GPC5: variants seen among roughly 807,000 people sequenced by gnomAD.
GPC5 encodes the protein glypican-5.
In GPC5, 47 loss-of-function variants were observed where a neutral mutation model predicts 53.9. The observed-to-expected ratio is 0.87, with a 90% CI of 0.69 to 1.11. The LOEUF (loss-of-function observed/expected upper bound fraction) is 1.11. Among genes scored for constraint, GPC5 ranks in the 50% most tolerant of loss-of-function variants. GPC5 has a pLI of 0.00. For synonymous variants in GPC5, 286 were observed against 263.3 expected (o/e 1.09, Z -0.84); for missense variants, 748 against 713.1 (o/e 1.05, Z -0.56).
chr13:91,541,258 C>T (rs1172567559), intron 2 of GPC5, among the ~76,000 whole-genome samples: 1 of 151,858 alleles, frequency 6.6e-6, no homozygotes, highest in Non-Finnish European at 1.5e-5. Context: ...TGTAATTTGT[C>T]CATTTCTTTT....
At chr13:92,528,315 A>T (rs898645991) in intron 7 of GPC5, among the ~76,000 whole-genome samples, 6 of 152,140 alleles carry the variant, frequency 3.9e-5, no homozygotes, top group African/African-American at 1.4e-4. Context: ...GATTTTGGCC[A>T]TGCAGGTCCT....
chr13:91,570,259 T>C (rs1424117234), intron 2 of GPC5, among the ~76,000 whole-genome samples: 5 of 152,168 alleles, frequency 3.3e-5, no homozygotes, highest in Non-Finnish European at 7.4e-5. Context: ...TTTTCCACAG[T>C]GAGCATCACA....
intron 7 of GPC5, among the ~76,000 whole-genome samples, chr13:92,611,701 G>T (rs527779862): frequency 6.6e-6 from 1 of 152,126 alleles, no homozygotes; most frequent in African/African-American, 2.4e-5. Context: ...AATGAATTTT[G>T]AAGTGAACAT....
intron 7 of GPC5, among the ~76,000 whole-genome samples, chr13:92,419,677 C>T (rs777558817): frequency 9.2e-5 from 14 of 152,172 alleles, no homozygotes; most frequent in Non-Finnish European, 1.8e-4. Flanking sequence ...GACTAGCATA[C>T]TGAAATTTCT....
chr13:92,703,553 A>G (rs974628600), intron 7 of GPC5, among the ~76,000 whole-genome samples: 3 of 146,716 alleles, frequency 2.0e-5, no homozygotes, highest in Non-Finnish European at 4.5e-5. Flanking sequence ...ATTTTTCAGT[A>G]TAGAAAAGGG....
At chr13:92,251,494 G>A (rs745755185) in intron 7 of GPC5, among the ~76,000 whole-genome samples, 2 of 152,048 alleles carry the variant, frequency 1.3e-5, no homozygotes, top group African/African-American at 2.4e-5. Context: ...TTATCCTTGG[G>A]GTGTAGCCTG....
At chr13:92,585,523 G>A (rs1883509744) in intron 7 of GPC5, among the ~76,000 whole-genome samples, 1 of 152,192 alleles carries the variant, frequency 6.6e-6, no homozygotes, top group South Asian at 2.1e-4. Flanking sequence ...CTCATGGGAG[G>A]AAGGGAATTG....
At chr13:92,615,945 T>G (rs1441868592) in intron 7 of GPC5, among the ~76,000 whole-genome samples, 2 of 152,048 alleles carry the variant, frequency 1.3e-5, no homozygotes, top group African/African-American at 2.4e-5. Flanking sequence ...TCCCAGCTAC[T>G]TGGGAGGCTG....
Position 92,740,896 on chromosome 13 carries a change from T to TA in GPC5, c.1562-125386_1562-125385insA, listed in dbSNP as rs1889065978. 1.3e-3 allele frequency among the ~76,000 whole-genome samples: 176 copies of TA among 134,896 alleles called. 1 individual carries two copies. The highest frequency in any genetic ancestry group is 0.013 in the Middle Eastern group (3 of 240). The allele number at this position is 134,896 out of a possible 152,430, so 88.5% of individuals were successfully genotyped here. On this transcript the variant is annotated intron_variant, in intron 7 of 7. Transcript: ENST00000377067. ...TATGTATGTATGTATATTTATTTATTTATATATATATATATATATATATGT... is the reference window on the plus strand; with the variant it reads ...TATGTATGTATGTATATTTATTTATTATATATATATATATATATATATATGT...
intron 2 of GPC5, among the ~76,000 whole-genome samples, chr13:91,673,409 A>T (rs994633228): frequency 6.6e-6 from 1 of 152,168 alleles, no homozygotes; most frequent in African/African-American, 2.4e-5. Context: ...CTGAACATCT[A>T]TACTAACCAT....
intron 7 of GPC5, among the ~76,000 whole-genome samples, chr13:92,382,456 T>C (rs11070024): frequency 0.54 from 82,232 of 151,908 alleles, 22,502 homozygotes; most frequent in African/African-American, 0.58. Context: ...AGGAATTGGT[T>C]ACAATGATCT....
chr13:92,527,167 AGAAAGAGAAAGAAAG>A, intron 7 of GPC5, among the ~76,000 whole-genome samples: 3 of 129,614 alleles, frequency 2.3e-5, no homozygotes, highest in African/African-American at 5.8e-5. Flanking sequence ...AAAGAAAGAA[AGAAAGAGAAAGAAAG>A]AAGAAAGAAA....
At chr13:92,791,070 G>A (rs1256436159) in intron 7 of GPC5, among the ~76,000 whole-genome samples, 2 of 152,000 alleles carry the variant, frequency 1.3e-5, no homozygotes, top group Admixed American at 6.6e-5. Context: ...TTTATTCTGT[G>A]AAATTCAACA....
intron 2 of GPC5, among the ~76,000 whole-genome samples, chr13:91,541,059 A>G (rs2029899345): frequency 6.6e-6 from 1 of 152,170 alleles, no homozygotes; most frequent in African/African-American, 2.4e-5. Context: ...AAATGTTAAA[A>G]TTACCTAATT....
chr13:92,399,557 A>C (rs1162368538), intron 7 of GPC5, among the ~76,000 whole-genome samples: 1 of 152,012 alleles, frequency 6.6e-6, no homozygotes, highest in Admixed American at 6.6e-5. Flanking sequence ...CACAAACTAA[A>C]ACCATGACGC....
At chr13:92,817,385 T>C (rs1191091231) in intron 7 of GPC5, among the ~76,000 whole-genome samples, 1 of 151,906 alleles carries the variant, frequency 6.6e-6, no homozygotes, top group Non-Finnish European at 1.5e-5. Context: ...GGTACATACT[T>C]TTTTGATTTT....
chr13:91,841,019 A>G (rs1594609765), intron 5 of GPC5, among the ~76,000 whole-genome samples: 2 of 151,810 alleles, frequency 1.3e-5, no homozygotes, highest in Admixed American at 6.6e-5. Context: ...GTTAGCTACT[A>G]TTTCTGGAAT....
In GPC5 at chr13:91,571,880, CAT is replaced by C. The variant is rs1305182690; in HGVS notation, c.326-121303_326-121302del. On this transcript the variant is annotated intron_variant, in intron 2 of 7. Transcript: ENST00000377067. ...ATATACGTGTGTGTATATATACACA[CAT>C]ATACGTGTGTATATACACATATTGT... Among the ~76,000 whole-genome samples, 463 of 100,988 alleles carry C rather than the reference CAT, an allele frequency of 4.6e-3. 24 individuals carry two copies. Among genetic ancestry groups the C allele is most frequent in the South Asian group, 0.016 (39 of 2,474 alleles). 66.3% of individuals were successfully genotyped at this position (100,988 alleles called of 152,430 possible). A position where few individuals can be genotyped will look rare whatever the true frequency, so the allele number is the denominator to read the frequency against.
intron 3 of GPC5, among the ~76,000 whole-genome samples, chr13:91,723,796 C>A (rs963862515): frequency 2.6e-5 from 4 of 152,160 alleles, no homozygotes. Flanking sequence ...TTTGATAATT[C>A]TGTTCCCTTG....
Sources: allele counts gnomAD v4.1 joint callset (sites outside exome capture counted in the v4.1 genomes callset), GRCh38; gene constraint gnomAD v4.1.1; transcripts MANE v1.5; gene names NCBI Gene and HGNC (gene_info 2026-07-23, HGNC 2026-07-21).